The following NEMP2 variants were observed in gnomAD, a reference collection of about 807,000 sequenced individuals.
The protein encoded by NEMP2 is UPF0571 transmembrane protein.
A neutral mutation model predicts 54.2 loss-of-function variants in NEMP2; 53 were observed. The observed-to-expected ratio is 0.98, with a 90% CI of 0.78 to 1.23. The LOEUF is 1.23. Among genes scored for constraint, NEMP2 ranks in the 50% most tolerant of loss-of-function variants. The pLI is 0.00. For missense variants in NEMP2, 455 were observed against 511.3 expected, an observed-to-expected ratio of 0.89 and a Z score of 1.06; for synonymous variants, 197 against 190.3, an observed-to-expected ratio of 1.04 and a Z score of -0.29.
At chr2:190,541,695 A>C in the NEMP2 span, among the ~76,000 whole-genome samples, 1 of 152,148 alleles carries the variant, frequency 6.6e-6, no homozygotes. The surrounding 1 kb of genome is among the most constrained non-coding windows in gnomAD (Gnocchi z 5.2). Context: ...TTAAACTTTC[A>C]AATATTTTCT....
the NEMP2 span, among the ~76,000 whole-genome samples, chr2:190,576,905 G>C: frequency 6.6e-6 from 1 of 152,186 alleles, no homozygotes; most frequent in Admixed American, 6.5e-5. Flanking sequence ...TGTATGCAAC[G>C]AGCTTTGCAA....
the NEMP2 span, among the ~76,000 whole-genome samples, chr2:190,619,351 T>A: frequency 6.7e-6 from 1 of 149,570 alleles, no homozygotes; most frequent in South Asian, 2.1e-4. This position sits in a 1 kb window ranked among gnomAD's most constrained non-coding sequence, Gnocchi z 5.5. Context: ...AAAAAAAAAA[T>A]TAGCCAGATG....
At chr2:190,481,114 T>G in the NEMP2 span, among the ~76,000 whole-genome samples, 1 of 152,196 alleles carries the variant, frequency 6.6e-6, no homozygotes, top group African/African-American at 2.4e-5. Flanking sequence ...TGGCTTCAGG[T>G]GGGAAAACAC....
upstream of NEMP2, among the ~76,000 whole-genome samples, chr2:190,537,749 A>T (rs1275874932): frequency 6.6e-6 from 1 of 152,232 alleles, no homozygotes; most frequent in Non-Finnish European, 1.5e-5. Flanking sequence ...TTTTCTGGAG[A>T]GAAATTCAAC....
rs1316923227 is a variant in NEMP2 at position 190,519,609 on chromosome 2, G to A, written c.214-426C>T. 6.6e-6 allele frequency among the ~76,000 whole-genome samples: 1 copy of A among 152,202 alleles called. No individual in the cohort carries two copies. The highest frequency in any genetic ancestry group is 1.5e-5 in the Non-Finnish European group (1 of 68,028). ...AAAAAAGAATACTCAAATGCGCAGG[G>A]TAGAGTTCTATGTTCTGATCCCAGA... On this transcript the variant is annotated intron_variant, in intron 2 of 8. Coordinates refer to ENST00000409150, the MANE Select transcript of NEMP2 (RefSeq NM_001142645.2). The surrounding 1 kb of genome is among the most constrained non-coding windows in gnomAD (Gnocchi z 5.4).
At chr2:190,440,590 A>G in the NEMP2 span, among the ~76,000 whole-genome samples, 2 of 152,216 alleles carry the variant, frequency 1.3e-5, no homozygotes, top group Admixed American at 6.5e-5. Flanking sequence ...ATTGCAGTAA[A>G]TCATTTGTAA....
the NEMP2 span, among the ~76,000 whole-genome samples, chr2:190,422,094 T>C: frequency 6.6e-6 from 1 of 152,224 alleles, no homozygotes; most frequent in South Asian, 2.1e-4. Context: ...GTAAACTGCA[T>C]TTTTTCTTTT....
chr2:190,442,555 G>A, the NEMP2 span: 14 of 151,992 alleles, frequency 9.2e-5, no homozygotes, highest in South Asian at 2.1e-4. Context: ...AGTAAGAGAC[G>A]GTACAGGCCT....
At chr2:190,579,119 G>T in the NEMP2 span, among the ~76,000 whole-genome samples, 1 of 152,082 alleles carries the variant, frequency 6.6e-6, no homozygotes, top group African/African-American at 2.4e-5. Flanking sequence ...ATACTTTCCA[G>T]TCTTGGTTTG....
chr2:190,625,859 A>G, the NEMP2 span: 4 of 152,218 alleles, frequency 2.6e-5, no homozygotes, highest in African/African-American at 9.6e-5. Context: ...GACCAAATTA[A>G]TTTTAGTCAT....
At chr2:190,455,352 G>A in the NEMP2 span, among the ~76,000 whole-genome samples, 1 of 152,098 alleles carries the variant, frequency 6.6e-6, no homozygotes, top group Non-Finnish European at 1.5e-5. Flanking sequence ...TGTGAAACAA[G>A]ATTTTAAGGT....
Position 190,525,422 on chromosome 2 carries a change from C to T in NEMP2, c.98-44G>A, listed in dbSNP as rs1178102133. 8 of 1,173,368 alleles carry T rather than the reference C, an allele frequency of 6.8e-6. No homozygotes were observed. Among genetic ancestry groups the T allele is most frequent in the Non-Finnish European group, 8.4e-6 (7 of 829,652 alleles). The allele number at this position is 1,173,368 out of a possible 1,614,324, so 72.7% of individuals were successfully genotyped here. A position where few individuals can be genotyped will look rare whatever the true frequency, so the allele number is the denominator to read the frequency against. On this transcript the variant is annotated intron_variant, in intron 1 of 8. Coordinates refer to ENST00000409150, the MANE Select transcript of NEMP2 (RefSeq NM_001142645.2). This position sits in a 1 kb window ranked among gnomAD's most constrained non-coding sequence, Gnocchi z 5.0. ...AATGCATTTTCTAACTGTTTAATTG[C>T]CCAGAATCTTTTTTAAAAAAAGTTT...
chr2:190,451,973 T>C, the NEMP2 span, among the ~76,000 whole-genome samples: 4 of 152,220 alleles, frequency 2.6e-5, no homozygotes, highest in African/African-American at 9.6e-5. This position sits in a 1 kb window ranked among gnomAD's most constrained non-coding sequence, Gnocchi z 5.0. Context: ...TCTCTGAGTT[T>C]TAGAGAAATT....
intron 3 of NEMP2, 24 bp downstream of exon 3, chr2:190,518,928 C>G: frequency 6.5e-7 from 1 of 1,535,574 alleles, no homozygotes; most frequent in South Asian, 1.2e-5. Context: ...TCCAGAAAGT[C>G]AAGTATAATA....
At chr2:190,487,038 TTTAAC>T in the NEMP2 span, among the ~76,000 whole-genome samples, 1 of 152,198 alleles carries the variant, frequency 6.6e-6, no homozygotes, top group Non-Finnish European at 1.5e-5. The surrounding 1 kb of genome is among the most constrained non-coding windows in gnomAD (Gnocchi z 5.5). Context: ...CACTCATTTT[TTTAAC>T]TGAACTATAT....
upstream of NEMP2, among the ~76,000 whole-genome samples, chr2:190,536,677 AAC>A (rs1219784419): frequency 6.6e-6 from 1 of 152,104 alleles, no homozygotes; most frequent in Non-Finnish European, 1.5e-5. Context: ...ACCTCTCTGT[AAC>A]ACAGGCATGC....
At chr2:190,534,751 G>A (rs1368428301), upstream of NEMP2, 7 of 932,118 alleles carry the variant, frequency 7.5e-6, no homozygotes, top group Admixed American at 4.3e-5. Flanking sequence ...AGGCGGAGGG[G>A]GCGGTGAGGC....
At chr2:190,534,507 A>G in intron 1 of NEMP2, 52 bp downstream of exon 1, 1 of 1,340,494 alleles carries the variant, frequency 7.5e-7, no homozygotes. Context: ...GCAGCCGCGA[A>G]GCCGGGGAGC....
chr2:190,490,442 A>G, the NEMP2 span, among the ~76,000 whole-genome samples: 5 of 152,098 alleles, frequency 3.3e-5, no homozygotes, highest in African/African-American at 1.2e-4. This position sits in a 1 kb window ranked among gnomAD's most constrained non-coding sequence, Gnocchi z 4.5. Flanking sequence ...GGGCGCCTGT[A>G]ATCCCAGCTA....
Sources: allele counts gnomAD v4.1 joint callset (sites outside exome capture counted in the v4.1 genomes callset), GRCh38; gene constraint gnomAD v4.1.1; non-coding constraint Gnocchi (gnomAD v3.1); transcripts MANE v1.5; gene names NCBI Gene and HGNC (gene_info 2026-07-23, HGNC 2026-07-21).